The following SNAP91 variants were observed in gnomAD, a reference collection of about 807,000 sequenced individuals.
SNAP91 encodes the protein synaptosome associated protein 91, also known as clathrin coat assembly protein AP180.
Under a neutral mutation model 100.3 loss-of-function variants are expected in SNAP91, and 27 were observed. The observed-to-expected ratio is 0.27, with a 90% CI of 0.20 to 0.37. SNAP91 has a LOEUF of 0.37. Among genes scored for constraint, SNAP91 ranks in the 10% least tolerant of loss-of-function variants. The probability of loss-of-function intolerance (pLI) is 1.00; values close to 1 mark genes in which losing one functional copy is unlikely to be tolerated. For missense variants in SNAP91, 986 were observed against 1,123.7 expected (o/e 0.88, Z 1.75); for synonymous variants, 404 against 398.6 (o/e 1.01, Z -0.16).
At chr6:83,645,278 GAGT>G (rs1311245245) in intron 7 of SNAP91, among the ~76,000 whole-genome samples, 1 of 151,562 alleles carries the variant, frequency 6.6e-6, no homozygotes, top group African/African-American at 2.4e-5. Flanking sequence ...CTTTTTTAAA[GAGT>G]AGTTTTAGGT....
chr6:83,640,267 G>T (rs959089162), intron 8 of SNAP91, among the ~76,000 whole-genome samples: 3 of 152,066 alleles, frequency 2.0e-5, no homozygotes, highest in Non-Finnish European at 2.9e-5. Context: ...TAAAATGCTT[G>T]TTTATGCAGT....
At chr6:83,591,418 G>T in intron 21 of SNAP91, 124 bp from the exon 22 acceptor site, 1 of 614,998 alleles carries the variant, frequency 1.6e-6, no homozygotes. Context: ...TGTCTTTTGT[G>T]GGTGTGTGAA....
At chr6:83,617,628 A>G in intron 9 of SNAP91, among the ~76,000 whole-genome samples, 1 of 151,452 alleles carries the variant, frequency 6.6e-6, no homozygotes, top group East Asian at 1.9e-4. Flanking sequence ...ATAATAAAGT[A>G]ACTTTTAGCA....
At chr6:83,568,178 A>G (rs1190855292) in intron 26 of SNAP91, among the ~76,000 whole-genome samples, 2 of 152,196 alleles carry the variant, frequency 1.3e-5, no homozygotes, top group Non-Finnish European at 2.9e-5. Flanking sequence ...AAAAAGGATG[A>G]GTTCACGTCT....
chr6:83,650,905 C>T (rs2098174592), intron 7 of SNAP91, among the ~76,000 whole-genome samples: 1 of 152,110 alleles, frequency 6.6e-6, no homozygotes, highest in Non-Finnish European at 1.5e-5. Flanking sequence ...TTTTTGTTTT[C>T]AAAGGTTATT....
At chr6:83,689,590 T>C (rs1369479364) in intron 2 of SNAP91, 1 of 151,976 alleles carries the variant, frequency 6.6e-6, no homozygotes, top group Non-Finnish European at 1.5e-5. Flanking sequence ...AATATAAAAA[T>C]ACCTAGTAAA....
chr6:83,665,525 G>C lies in SNAP91; in HGVS notation c.187C>G (p.Leu63Val). 1 of 1,612,886 alleles carries C rather than the reference G, an allele frequency of 6.2e-7. No homozygotes were observed. Among genetic ancestry groups the C allele is most frequent in the Non-Finnish European group, 8.5e-7 (1 of 1,179,248 alleles). ...NVNIPQMADT[L>V]FERATNSSWV... ...CTACTGTTTGTTGCCCGCTCAAAGA[G>C]AGTGTCGGCCATCTGAGGAATATTA... Residue 63 changes from leucine to valine, a missense_variant, in exon 3 of 30, where the codon CTC (leucine) becomes GTC (valine). Coordinates refer to ENST00000369694, the MANE Select transcript of SNAP91 (RefSeq NM_001242792.2).
chr6:83,610,710 AATATATATATATATATATATAT>A lies in SNAP91; in HGVS notation c.885-55_885-34del, dbSNP rs747428612. 5.7e-5 allele frequency: 12 copies of A among 211,562 alleles called. 1 individual carries two copies. Among genetic ancestry groups the A allele is most frequent in the Admixed American group, 5.0e-4 (8 of 16,068 alleles). The allele number at this position is 211,562 out of a possible 1,614,324, so 13.1% of individuals were successfully genotyped here. ...GCAACATAAAAAAAAATTAAAACTGAATATATATATATATATATATATATATATATATATATAAATATATATG... is the reference window on the plus strand; with the variant it reads ...GCAACATAAAAAAAAATTAAAACTGAATATATATATATATAAATATATATG... On this transcript the variant is annotated intron_variant, in intron 11 of 29. Transcript: ENST00000369694.
chr6:83,594,575 C>T (rs1256181847), intron 16 of SNAP91, 94 bp from the exon 17 acceptor site: 5 of 725,986 alleles, frequency 6.9e-6, no homozygotes, highest in Middle Eastern at 4.0e-4. Context: ...AGAAGGCTCC[C>T]TTATACAACA....
intron 8 of SNAP91, among the ~76,000 whole-genome samples, chr6:83,636,647 CTG>C (rs2097460710): frequency 6.6e-6 from 1 of 152,180 alleles, no homozygotes; most frequent in African/African-American, 2.4e-5. Flanking sequence ...ATTCTGAATT[CTG>C]TGTCTATAAT....
At chr6:83,583,523 A>C (rs534642830) in intron 22 of SNAP91, among the ~76,000 whole-genome samples, 24 of 152,196 alleles carry the variant, frequency 1.6e-4, no homozygotes, top group Non-Finnish European at 3.1e-4. Context: ...AACAGACAGA[A>C]ACAGAAGCAG....
intron 24 of SNAP91, among the ~76,000 whole-genome samples, chr6:83,576,623 C>G (rs1819188999): frequency 6.6e-6 from 1 of 152,158 alleles, no homozygotes; most frequent in Non-Finnish European, 1.5e-5. Context: ...AGAGTGTGTT[C>G]TTCTCCTCAA....
intron 22 of SNAP91, among the ~76,000 whole-genome samples, chr6:83,588,789 C>T (rs545196453): frequency 1.5e-4 from 23 of 152,282 alleles, no homozygotes; most frequent in African/African-American, 5.1e-4. Context: ...TTGAGAAACA[C>T]AATATCTCAG....
At chr6:83,690,505 T>C (rs765431870) in intron 2 of SNAP91, 26 of 888,768 alleles carry the variant, frequency 2.9e-5, no homozygotes, top group Non-Finnish European at 3.9e-5. Context: ...AAGCAACAGA[T>C]ACATTGAACA....
At chr6:83,627,186 C>G (rs895827060) in intron 8 of SNAP91, among the ~76,000 whole-genome samples, 1 of 152,070 alleles carries the variant, frequency 6.6e-6, no homozygotes, top group African/African-American at 2.4e-5. Flanking sequence ...ACCTTGCATC[C>G]TAGGAATAAA....
intron 29 of SNAP91, 45 bp downstream of exon 29, chr6:83,556,098 T>C: frequency 1.9e-6 from 2 of 1,056,758 alleles, no homozygotes; most frequent in South Asian, 2.7e-5. Flanking sequence ...AAGCATTGTA[T>C]AGCTCATTAT....
intron 2 of SNAP91, among the ~76,000 whole-genome samples, chr6:83,706,955 A>C (rs904159154): frequency 6.6e-6 from 1 of 152,214 alleles, no homozygotes; most frequent in Non-Finnish European, 1.5e-5. Flanking sequence ...CGGTGACAAA[A>C]GATTTACTGT....
At chr6:83,672,665 G>A (rs2098804559) in intron 2 of SNAP91, among the ~76,000 whole-genome samples, 1 of 152,078 alleles carries the variant, frequency 6.6e-6, no homozygotes, top group African/African-American at 2.4e-5. Flanking sequence ...AAAGATGGCT[G>A]TAACTGGCTT....
intron 2 of SNAP91, among the ~76,000 whole-genome samples, chr6:83,684,084 A>G (rs2099028348): frequency 6.6e-6 from 1 of 152,192 alleles, no homozygotes; most frequent in Non-Finnish European, 1.5e-5. Context: ...TCTAAATACA[A>G]ATGCGATTAT....
Sources: gnomAD v4.1 joint callset for allele counts (sites outside exome capture counted in the v4.1 genomes callset) on GRCh38, gnomAD v4.1.1 for gene constraint, MANE v1.5 for transcripts, NCBI Gene and HGNC (gene_info 2026-07-23, HGNC 2026-07-21) for gene names.